The following DDR2 variants were observed in gnomAD, a reference collection of about 807,000 sequenced individuals.
DDR2 encodes the protein discoidin domain receptor tyrosine kinase 2, also known as discoidin domain-containing receptor 2.
DDR2 carries 27 observed loss-of-function variants against 94.9 expected under a neutral mutation model. The observed-to-expected ratio is 0.28, with a 90% confidence interval of 0.21 to 0.39. The LOEUF (loss-of-function observed/expected upper bound fraction) is 0.39. Among genes scored for constraint, DDR2 ranks in the 10% least tolerant of loss-of-function variants. The probability of loss-of-function intolerance (pLI) is 1.00; values close to 1 mark genes in which losing one functional copy is unlikely to be tolerated. For missense variants in DDR2, 783 were observed against 1,076.0 expected, an observed-to-expected ratio of 0.73 and a Z score of 3.81; for synonymous variants, 382 against 377.2, an observed-to-expected ratio of 1.01 and a Z score of -0.15.
intron 1 of DDR2, among the ~76,000 whole-genome samples, chr1:162,647,228 A>G (rs902899672): frequency 6.6e-6 from 1 of 152,238 alleles, no homozygotes; most frequent in African/African-American, 2.4e-5. Flanking sequence ...ACCATCCAGG[A>G]TGAGATAGAA....
At chr1:162,750,291 A>C (rs1663119240) in intron 3 of DDR2, among the ~76,000 whole-genome samples, 1 of 152,242 alleles carries the variant, frequency 6.6e-6, no homozygotes, top group African/African-American at 2.4e-5. Flanking sequence ...CAACTTCAGC[A>C]AAGTCTCAGG....
In DDR2 at chr1:162,649,436, C is replaced by A. The variant is rs117810092; in HGVS notation, c.-191-5775C>A. On this transcript the variant is annotated intron_variant, in intron 1 of 17. Coordinates refer to ENST00000367921, the MANE Select transcript of DDR2 (RefSeq NM_006182.4). ...AGAAACAAGAGTTGGGATTTGGGTC[C>A]AGGCTTTGCCACTAACTGGTGATCT... Among the ~76,000 whole-genome samples, 241 of 152,290 alleles carry A rather than the reference C, an allele frequency of 1.6e-3. 3 individuals are homozygous for A. The East Asian group carries it at 0.027, about 17-fold the overall frequency.
intron 2 of DDR2, among the ~76,000 whole-genome samples, chr1:162,687,945 C>T (rs1659767061): frequency 6.6e-6 from 1 of 152,212 alleles, no homozygotes; most frequent in Admixed American, 6.5e-5. Flanking sequence ...TGAGCATCTG[C>T]TGTTTTCACA....
chr1:162,720,234 A>G (rs368662589), intron 3 of DDR2, among the ~76,000 whole-genome samples: 1 of 152,128 alleles, frequency 6.6e-6, no homozygotes, highest in African/African-American at 2.4e-5. Context: ...TAAACTGAAC[A>G]CATCTAAACA....
intron 1 of DDR2, among the ~76,000 whole-genome samples, chr1:162,643,635 C>G (rs1657259336): frequency 6.6e-6 from 1 of 152,138 alleles, no homozygotes; most frequent in Non-Finnish European, 1.5e-5. Flanking sequence ...CACCCACCAC[C>G]ATGCCCAGCT....
rs1648159398 is a variant in DDR2 at position 162,786,597 on chromosome 1, A to AAT, written c.*6351_*6352insAT. The AAT allele has an allele frequency of 6.6e-6, 1 of 152,246 alleles. No homozygotes were observed. The highest frequency in any genetic ancestry group is 1.5e-5 in the Non-Finnish European group (1 of 68,050). 9.4% of individuals were successfully genotyped at this position (152,246 alleles called of 1,614,324 possible). On this transcript the variant is annotated 3_prime_UTR_variant, in exon 18 of 18. Transcript: ENST00000367921. ...GATGGATCTCCCTTTCTGTATAAAC[A>AAT]GTGCCAGTTCTGGGCTTTGTAACCT... is the stretch of plus-strand genomic sequence containing the variant.
intron 2 of DDR2, among the ~76,000 whole-genome samples, chr1:162,717,594 G>C (rs1242899772): frequency 6.6e-6 from 1 of 152,100 alleles, no homozygotes. Context: ...CCTGAGCTGC[G>C]ATAGTTTCTC....
intron 2 of DDR2, among the ~76,000 whole-genome samples, chr1:162,688,812 T>C (rs750325063): frequency 2.0e-5 from 3 of 152,158 alleles, no homozygotes; most frequent in Non-Finnish European, 2.9e-5. Flanking sequence ...AGTAAAGAAG[T>C]ACCTGAGAGT....
chr1:162,649,886 G>A (rs1657601014), intron 1 of DDR2, among the ~76,000 whole-genome samples: 1 of 152,190 alleles, frequency 6.6e-6, no homozygotes, highest in Admixed American at 6.5e-5. Context: ...GAAGCTGTGA[G>A]GCCTTGGATA....
At chr1:162,780,076 T>G (rs1385263233) in intron 17 of DDR2, 36 bp from the exon 18 acceptor site, 2 of 1,613,280 alleles carry the variant, frequency 1.2e-6, no homozygotes, top group Non-Finnish European at 1.7e-6. Context: ...TCTCTCTCTC[T>G]CTCTCTTTTG....
intron 2 of DDR2, among the ~76,000 whole-genome samples, chr1:162,688,182 T>G (rs968651193): frequency 7.2e-5 from 11 of 152,190 alleles, no homozygotes; most frequent in Admixed American, 4.6e-4. Flanking sequence ...GACTGACATG[T>G]CTCCAGTACA....
rs201609613 is a variant in DDR2, at chr1:162,776,144, A to G, written c.2057A>G (p.Asn686Ser). Residue 686 changes from asparagine to serine, a missense_variant, in exon 16 of 18, where the codon AAT (asparagine) becomes AGT (serine). Transcript: ENST00000367921. ...SSDVRTVSYTNLKFMATQIAS... is the reference protein window; with the variant it reads ...SSDVRTVSYTSLKFMATQIAS... ...CTTGTCTATTTCCTCAGTTACACCA[A>G]TCTGAAGTTTATGGCTACCCAAATT... is the stretch of plus-strand genomic sequence containing the variant. 140 of 1,613,452 alleles carry G rather than the reference A, an allele frequency of 8.7e-5. No homozygotes were observed. The highest frequency in any genetic ancestry group is 1.0e-4 in the Non-Finnish European group (123 of 1,179,698).
intron 2 of DDR2, among the ~76,000 whole-genome samples, chr1:162,707,373 T>G (rs1367031478): frequency 3.3e-5 from 5 of 152,224 alleles, no homozygotes; most frequent in Admixed American, 3.3e-4. Flanking sequence ...AACTCTTGCT[T>G]TCTTTCTCCC....
At chr1:162,652,639 T>C (rs1056538441) in intron 1 of DDR2, among the ~76,000 whole-genome samples, 1 of 152,232 alleles carries the variant, frequency 6.6e-6, no homozygotes, top group South Asian at 2.1e-4. Flanking sequence ...TACTGAGTGC[T>C]GAGTACCCAC....
chr1:162,719,091 G>A lies in DDR2; in HGVS notation c.28G>A (p.Val10Met), dbSNP rs775402435. ...GATCCTGATTCCCAGAATGCTCTTG[G>A]TGCTGTTCCTGCTGCTGCCTATCTT... is the stretch of plus-strand genomic sequence containing the variant. The part of the protein sequence containing the change: MILIPRMLL[V>M]LFLLLPILSS... The change falls in exon 3 of 18, where the codon GTG becomes ATG. Residue 10 changes from valine (V) to methionine (M), a missense_variant. Transcript: ENST00000367921. The A allele has an allele frequency of 1.2e-6, 2 of 1,613,810 alleles. No homozygotes were observed. The highest frequency in any genetic ancestry group is 4.5e-5 in the East Asian group (2 of 44,872).
Position 162,741,676 on chromosome 1 carries a change from C to T in DDR2, c.83-11419C>T, listed in dbSNP as rs1229797372. On this transcript the variant is annotated intron_variant, in intron 3 of 17. Coordinates refer to ENST00000367921, the MANE Select transcript of DDR2 (RefSeq NM_006182.4). ...GCTAGATCTTCTCCCCAGGAGGTGC[C>T]TGAGGGAGACATACACACAGGTGAC... 7.1e-6 allele frequency: 7 copies of T among 985,226 alleles called. No homozygotes were observed. The African/African-American group carries it at 1.2e-4, about 17-fold the overall frequency. The allele number at this position is 985,226 out of a possible 1,614,324, so 61.0% of individuals were successfully genotyped here. A position where few individuals can be genotyped will look rare whatever the true frequency, so the allele number is the denominator to read the frequency against.
intron 2 of DDR2, among the ~76,000 whole-genome samples, chr1:162,693,189 G>T (rs1048889144): frequency 3.9e-5 from 6 of 152,160 alleles, no homozygotes; most frequent in Non-Finnish European, 7.4e-5. Context: ...TGACTGGGAG[G>T]GCTGTGTTGG....
chr1:162,733,086 A>G (rs1662136926), intron 3 of DDR2, among the ~76,000 whole-genome samples: 1 of 152,124 alleles, frequency 6.6e-6, no homozygotes, highest in Non-Finnish European at 1.5e-5. Context: ...CGCTAAGACA[A>G]CTCAGCAGGA....
intron 2 of DDR2, among the ~76,000 whole-genome samples, chr1:162,713,073 C>T (rs967862736): frequency 1.3e-5 from 2 of 152,162 alleles, no homozygotes; most frequent in Non-Finnish European, 2.9e-5. Context: ...ATGATAATTT[C>T]TCTCCACAGG....
Sources: allele counts gnomAD v4.1 joint callset (sites outside exome capture counted in the v4.1 genomes callset), GRCh38; gene constraint gnomAD v4.1.1; transcripts MANE v1.5; gene names NCBI Gene and HGNC (gene_info 2026-07-23, HGNC 2026-07-21).